RB1: variants seen among roughly 807,000 people sequenced by gnomAD.
The protein encoded by RB1 is retinoblastoma-associated protein.
Under a neutral mutation model 135.4 loss-of-function variants are expected in RB1, and 18 were observed. The observed-to-expected ratio is 0.13, with a 90% CI of 0.09 to 0.20. RB1 has a LOEUF of 0.20. RB1 is among the 10% of genes least tolerant of loss of function. RB1 has a pLI of 1.00. For missense variants in RB1, 868 were observed against 1,110.0 expected (o/e 0.78, Z 3.10); for synonymous variants, 365 against 373.2 (o/e 0.98, Z 0.25).
chr13:48,453,337 C>T (rs1272140053), intron 18 of RB1, among the ~76,000 whole-genome samples: 4 of 152,126 alleles, frequency 2.6e-5, no homozygotes, highest in African/African-American at 4.8e-5. Context: ...GAGCAGTTTT[C>T]ATGGCAGAGT....
chr13:48,477,985 A>C (rs577716324), intron 26 of RB1, among the ~76,000 whole-genome samples: 12 of 152,352 alleles, frequency 7.9e-5, no homozygotes, highest in African/African-American at 2.6e-4. Flanking sequence ...CAAAAAAAAT[A>C]ATCCAAGGAT....
intron 2 of RB1, among the ~76,000 whole-genome samples, chr13:48,324,340 C>G (rs999224512): frequency 3.3e-5 from 5 of 151,746 alleles, no homozygotes; most frequent in Non-Finnish European, 5.9e-5. Flanking sequence ...CTTTTTGTAC[C>G]CATTAACCAA....
In RB1 at chr13:48,403,320, C is replaced by T. The variant is rs530619572; in HGVS notation, c.1695+21877C>T. ...CACACACTTCTACCTCCTTTCTCCCCGCAAACCCTACAGAAGTGACAAAAA... is the reference window on the plus strand; with the variant it reads ...CACACACTTCTACCTCCTTTCTCCCTGCAAACCCTACAGAAGTGACAAAAA... On this transcript the variant is annotated intron_variant, in intron 17 of 26. Coordinates refer to ENST00000267163, the MANE Select transcript of RB1 (RefSeq NM_000321.3). Among the ~76,000 whole-genome samples, 459 of 152,078 alleles carry T rather than the reference C, an allele frequency of 3.0e-3. 2 individuals are homozygous for T. The highest frequency in any genetic ancestry group is 5.4e-3 in the Non-Finnish European group (364 of 67,954).
rs375645171 is a variant in RB1 at position 48,453,038 on chromosome 13, G to A, written c.1741G>A (p.Gly581Arg). The A allele has an allele frequency of 1.9e-5, 30 of 1,613,134 alleles. No homozygotes were observed. Among genetic ancestry groups the A allele is most frequent in the Non-Finnish European group, 2.5e-5 (29 of 1,179,628 alleles). Residue 581 changes from glycine to arginine, a missense_variant, in exon 18 of 27, where the codon GGA (glycine) becomes AGA (arginine). By Grantham distance (125) the Gly-to-Arg change is moderately radical. Coordinates refer to ENST00000267163, the MANE Select transcript of RB1 (RefSeq NM_000321.3). ...TATTAAACAATCAAAGGACCGAGAA[G>A]GACCAACTGATCACCTTGAATCTGC... ...DLIKQSKDRE[G>R]PTDHLESACP...
chr13:48,447,584 T>C (rs1029837515), intron 17 of RB1, among the ~76,000 whole-genome samples: 1 of 152,170 alleles, frequency 6.6e-6, no homozygotes, highest in Non-Finnish European at 1.5e-5. Flanking sequence ...CATTATTAAT[T>C]CACTTCTCAT....
At chr13:48,362,024 T>A (rs1245687553) in intron 7 of RB1, among the ~76,000 whole-genome samples, 1 of 150,320 alleles carries the variant, frequency 6.7e-6, no homozygotes, top group African/African-American at 2.4e-5. Flanking sequence ...CTCAGCTCAC[T>A]GCAAACTCTG....
At chr13:48,353,407 A>C (rs910328713) in intron 6 of RB1, among the ~76,000 whole-genome samples, 3 of 152,136 alleles carry the variant, frequency 2.0e-5, no homozygotes, top group African/African-American at 7.2e-5. Context: ...AGAAATCCAA[A>C]ACCTGAACAG....
intron 4 of RB1, 77 bp from the exon 5 acceptor site, chr13:48,347,745 GATA>G: frequency 1.1e-6 from 1 of 927,880 alleles, no homozygotes; most frequent in East Asian, 2.5e-5. Flanking sequence ...CTTAAAAGAA[GATA>G]AATAAAGCAT....
chr13:48,389,524 G>A (rs1028622053), intron 17 of RB1: 1 of 152,156 alleles, frequency 6.6e-6, no homozygotes, highest in Non-Finnish European at 1.5e-5. Flanking sequence ...AAATATTGAT[G>A]GAAAAGAGCC....
intron 7 of RB1, among the ~76,000 whole-genome samples, chr13:48,362,086 T>A (rs997612662): frequency 6.6e-6 from 1 of 151,992 alleles, no homozygotes. Context: ...TAGCTGGGAC[T>A]ATGGGCATGC....
intron 6 of RB1, among the ~76,000 whole-genome samples, chr13:48,352,164 T>C (rs963402381): frequency 6.6e-6 from 1 of 152,210 alleles, no homozygotes; most frequent in South Asian, 2.1e-4. Context: ...ACCTTATTTC[T>C]GGGTGCTCTA....
At chr13:48,443,380 T>C (rs959955941) in intron 17 of RB1, among the ~76,000 whole-genome samples, 4 of 152,014 alleles carry the variant, frequency 2.6e-5, no homozygotes, top group African/African-American at 9.6e-5. Context: ...TAAAAAGAAG[T>C]TTAAAAGAGT....
chr13:48,363,104 T>A (rs1247147983), intron 8 of RB1, 147 bp downstream of exon 8: 2 of 996,010 alleles, frequency 2.0e-6, no homozygotes, highest in South Asian at 1.7e-5. Context: ...TTAGAAAAAA[T>A]TAATTCGTTA....
At chr13:48,459,928 T>TC (rs1278273704) in intron 20 of RB1, 95 bp downstream of exon 20, 1 of 493,666 alleles carries the variant, frequency 2.0e-6, no homozygotes, top group African/African-American at 3.7e-5. Flanking sequence ...TTTCTTTCTT[T>TC]CTTTCTTTCT....
At chr13:48,387,125 A>G (rs1242828737) in intron 17 of RB1, among the ~76,000 whole-genome samples, 2 of 152,196 alleles carry the variant, frequency 1.3e-5, no homozygotes, top group Non-Finnish European at 2.9e-5. Flanking sequence ...TAAACAGCAT[A>G]TTGCAACAAA....
At chr13:48,420,613 A>T (rs1382445419) in intron 17 of RB1, among the ~76,000 whole-genome samples, 1 of 152,188 alleles carries the variant, frequency 6.6e-6, no homozygotes, top group South Asian at 2.1e-4. Flanking sequence ...GTTTGCAGAG[A>T]CAATGATTGT....
Position 48,473,357 on chromosome 13 carries a change from C to T in RB1, c.2490-3C>T, listed in dbSNP as rs1949484057. 1 of 1,574,286 alleles carries T rather than the reference C, an allele frequency of 6.4e-7. No individual in the cohort carries two copies. Among genetic ancestry groups the T allele is most frequent in the Non-Finnish European group, 8.7e-7 (1 of 1,145,380 alleles). On this transcript the variant is annotated splice_region_variant and splice_polypyrimidine_tract_variant and intron_variant, in intron 23 of 26. Transcript: ENST00000267163. ...TAATTGGTATTTCATCTTAACTTGA[C>T]AGAATCTTAGTATCAATTGGTGAAT...
intron 17 of RB1, chr13:48,429,648 T>C (rs890582701): frequency 1.3e-5 from 2 of 152,154 alleles, no homozygotes; most frequent in Admixed American, 1.3e-4. Context: ...AATACACTTT[T>C]TGTGTTTTTA....
intron 17 of RB1, chr13:48,413,128 A>G (rs1948846784): frequency 6.0e-6 from 1 of 167,136 alleles, no homozygotes. Context: ...TGAAAAAGAA[A>G]GGCTTCCTAG....
Sources: gnomAD v4.1 joint callset for allele counts (sites outside exome capture counted in the v4.1 genomes callset) on GRCh38, gnomAD v4.1.1 for gene constraint, MANE v1.5 for transcripts, NCBI Gene and HGNC (gene_info 2026-07-23, HGNC 2026-07-21) for gene names.